Variants in XKR6 observed in about 807,000 individuals in gnomAD.
XKR6 encodes the protein XK related 6, also known as XK-related protein 6.
Under a neutral mutation model 56.7 loss-of-function variants are expected in XKR6, and 22 were observed. The ratio of observed to expected loss-of-function variants is 0.39; its 90% CI spans 0.28 to 0.55. The LOEUF is 0.55. Ranked by LOEUF, XKR6 falls within the 20% of genes least tolerant of loss-of-function variation. XKR6 has a pLI of 0.66. For synonymous variants in XKR6, 524 were observed against 387.8 expected, an observed-to-expected ratio of 1.35 and a Z score of -4.13; for missense variants, 852 against 889.0, an observed-to-expected ratio of 0.96 and a Z score of 0.53.
chr8:11,166,566 A>ATATT (rs947979313), intron 1 of XKR6, among the ~76,000 whole-genome samples: 11 of 152,026 alleles, frequency 7.2e-5, no homozygotes, highest in South Asian at 2.1e-4. Context: ...ATTTAATCTA[A>ATATT]TATTTATTTA....
At chr8:11,064,922 T>C (rs1799937831) in intron 1 of XKR6, among the ~76,000 whole-genome samples, 1 of 152,226 alleles carries the variant, frequency 6.6e-6, no homozygotes, top group Non-Finnish European at 1.5e-5. Flanking sequence ...AAAACCTCAA[T>C]GGTTAAAACT....
At chr8:11,070,558 T>C (rs1437021013) in intron 1 of XKR6, among the ~76,000 whole-genome samples, 1 of 152,196 alleles carries the variant, frequency 6.6e-6, no homozygotes, top group African/African-American at 2.4e-5. Context: ...AAAGCTAGTC[T>C]TTAGGCTGGT....
intron 2 of XKR6, among the ~76,000 whole-genome samples, chr8:10,911,819 G>T (rs114471753): frequency 0.014 from 2,041 of 150,798 alleles, 52 homozygotes; most frequent in African/African-American, 0.046. Flanking sequence ...TATACAGAGG[G>T]TGAGTATGTG....
intron 1 of XKR6, among the ~76,000 whole-genome samples, chr8:11,157,741 C>T (rs1347569019): frequency 1.3e-5 from 2 of 152,114 alleles, no homozygotes; most frequent in Non-Finnish European, 2.9e-5. Context: ...GCTCAATCTC[C>T]CGGTCTCAAG....
intron 1 of XKR6, among the ~76,000 whole-genome samples, chr8:11,149,113 C>T (rs757423191): frequency 6.6e-6 from 1 of 152,164 alleles, no homozygotes; most frequent in South Asian, 2.1e-4. Context: ...AAGCCTAACC[C>T]CTAATGTGAT....
At chr8:10,906,383 A>C (rs902983101) in intron 2 of XKR6, among the ~76,000 whole-genome samples, 3 of 152,230 alleles carry the variant, frequency 2.0e-5, no homozygotes, top group Non-Finnish European at 2.9e-5. Flanking sequence ...CCTACTCTAC[A>C]TTCAGTGCTG....
intron 1 of XKR6, among the ~76,000 whole-genome samples, chr8:11,152,778 T>A (rs1187953969): frequency 1.3e-5 from 2 of 152,196 alleles, no homozygotes; most frequent in African/African-American, 4.8e-5. Context: ...TCTTTTCTGG[T>A]CATTCCTTTC....
chr8:11,028,942 G>T (rs927889559), intron 1 of XKR6, among the ~76,000 whole-genome samples: 1 of 152,126 alleles, frequency 6.6e-6, no homozygotes, highest in Admixed American at 6.5e-5. Flanking sequence ...GGACTAGGCT[G>T]CTCCCTGGTA....
At chr8:11,199,445 C>G (rs921755884) in intron 1 of XKR6, among the ~76,000 whole-genome samples, 1 of 152,228 alleles carries the variant, frequency 6.6e-6, no homozygotes, top group African/African-American at 2.4e-5. Flanking sequence ...TGCCTAAAAT[C>G]TCCTACTAAG....
At chr8:11,123,697 T>A (rs1429465540) in intron 1 of XKR6, 3 of 363,838 alleles carry the variant, frequency 8.2e-6, no homozygotes, top group Non-Finnish European at 1.6e-5. Context: ...ATATTTCATA[T>A]TTTTCAAGAG....
At chr8:11,015,595 G>A (rs372082223) in intron 1 of XKR6, among the ~76,000 whole-genome samples, 1 of 152,156 alleles carries the variant, frequency 6.6e-6, no homozygotes, top group Non-Finnish European at 1.5e-5. Context: ...CTGAAGCCAG[G>A]GGGCTCTGGG....
At chr8:11,125,611 T>G (rs150222345) in intron 1 of XKR6, 1 of 152,146 alleles carries the variant, frequency 6.6e-6, no homozygotes, top group Non-Finnish European at 1.5e-5. Flanking sequence ...CTGAAATACC[T>G]AATAAACAGC....
In XKR6 at chr8:10,984,724, CTCTCTCTCTATATA is replaced by C. The variant is rs1345239640; in HGVS notation, c.765-59908_765-59895del. ...TCTCTCTCTCTCTCTCTCTCTCTCT[CTCTCTCTCTATATA>C]TATATATATATATATATATTTGAAG... On this transcript the variant is annotated intron_variant, in intron 1 of 2. Transcript: ENST00000416569. 1.0e-3 allele frequency among the ~76,000 whole-genome samples: 76 copies of C among 74,900 alleles called. 1 individual carries two copies. The highest frequency in any genetic ancestry group is 4.3e-3 in the African/African-American group (69 of 16,096). 49.1% of individuals were successfully genotyped at this position (74,900 alleles called of 152,430 possible).
intron 1 of XKR6, among the ~76,000 whole-genome samples, chr8:11,010,202 A>G (rs1798468051): frequency 1.3e-5 from 2 of 152,176 alleles, no homozygotes; most frequent in Non-Finnish European, 2.9e-5. Flanking sequence ...ACTTTCAAAC[A>G]ACCAGATTTC....
intron 1 of XKR6, among the ~76,000 whole-genome samples, chr8:11,162,927 T>C (rs528848435): frequency 7.2e-5 from 11 of 152,250 alleles, no homozygotes; most frequent in Non-Finnish European, 1.3e-4. Context: ...AATTCATCAC[T>C]TACCTTATTC....
intron 1 of XKR6, among the ~76,000 whole-genome samples, chr8:11,049,042 G>A (rs1799479680): frequency 6.6e-6 from 1 of 152,240 alleles, no homozygotes; most frequent in South Asian, 2.1e-4. Context: ...TATGCCCTAG[G>A]TGGTATTCTG....
chr8:11,143,401 T>A (rs1424626120), intron 1 of XKR6, among the ~76,000 whole-genome samples: 1 of 152,116 alleles, frequency 6.6e-6, no homozygotes, highest in Non-Finnish European at 1.5e-5. Context: ...AGGGATTAAA[T>A]CCTAATCCGA....
intron 1 of XKR6, among the ~76,000 whole-genome samples, chr8:11,173,463 A>G (rs1298206500): frequency 6.6e-6 from 1 of 151,920 alleles, no homozygotes; most frequent in East Asian, 1.9e-4. Flanking sequence ...TGCTCCTACA[A>G]GATGGCACAG....
At chr8:11,165,959 GTT>G (rs943836510) in intron 1 of XKR6, among the ~76,000 whole-genome samples, 5 of 140,902 alleles carry the variant, frequency 3.5e-5, no homozygotes, top group Non-Finnish European at 6.2e-5. Flanking sequence ...AGTTTTTTGG[GTT>G]TTTTTTTTTT....
Sources: gnomAD v4.1 joint callset for allele counts (sites outside exome capture counted in the v4.1 genomes callset) on GRCh38, gnomAD v4.1.1 for gene constraint, MANE v1.5 for transcripts, NCBI Gene and HGNC (gene_info 2026-07-23, HGNC 2026-07-21) for gene names.